The following COL5A1 variants were observed in gnomAD, a reference collection of about 807,000 sequenced individuals.
The protein encoded by COL5A1 is collagen type V alpha 1 chain.
In COL5A1, 16 loss-of-function variants were observed where a neutral mutation model predicts 263.7. That is an observed-to-expected ratio of 0.06 (90% CI 0.04 to 0.09). The LOEUF (loss-of-function observed/expected upper bound fraction) is 0.09, where lower values mean the gene tolerates loss of function less well. COL5A1 is among the 10% of genes least tolerant of loss of function. COL5A1 has a pLI of 1.00. For missense variants in COL5A1, 2,036 were observed against 2,540.5 expected (o/e 0.80, Z 4.27); for synonymous variants, 1,012 against 1,004.5 (o/e 1.01, Z -0.14).
rs1449896543 is a variant in COL5A1 at position 134,750,591 on chromosome 9, C to T, written c.1544C>T (p.Pro515Leu). 6.8e-6 allele frequency: 11 copies of T among 1,613,580 alleles called. No individual in the cohort carries two copies. Among genetic ancestry groups the T allele is most frequent in the South Asian group, 2.2e-5 (2 of 91,086 alleles). Reference sequence around the variant, plus strand: ...CCTGGGGCCGATGGCCTGCCCGGTCCTCCAGGAACCATGCTCATGCTGCCC... The same window carrying T: ...CCTGGGGCCGATGGCCTGCCCGGTCTTCCAGGAACCATGCTCATGCTGCCC... ...GLPGADGLPG[P>L]PGTMLMLPFR... The change falls in exon 12 of 66, where the codon CCT becomes CTT. Residue 515 changes from proline to leucine, a missense_variant. Transcript: ENST00000371817.
intron 11 of COL5A1, among the ~76,000 whole-genome samples, chr9:134,740,413 G>A (rs2132659090): frequency 6.6e-6 from 1 of 152,272 alleles, no homozygotes; most frequent in Non-Finnish European, 1.5e-5. Context: ...CCTGCGGATG[G>A]GTCCACAGGT....
chr9:134,766,653 G>A (rs945989765), intron 22 of COL5A1, among the ~76,000 whole-genome samples, 155 bp downstream of exon 22: 13 of 152,246 alleles, frequency 8.5e-5, no homozygotes. Context: ...CCAGTGGTGA[G>A]TGGCACCTGG....
At chr9:134,738,696 T>C (rs769417766) in intron 10 of COL5A1, 50 bp from the exon 11 acceptor site, 2 of 1,520,380 alleles carry the variant, frequency 1.3e-6, no homozygotes, top group Non-Finnish European at 1.8e-6. Context: ...ACTTGGACCT[T>C]GCCCTGCGGC....
chr9:134,783,866 C>T (rs1402166746), intron 29 of COL5A1, among the ~76,000 whole-genome samples: 1 of 152,236 alleles, frequency 6.6e-6, no homozygotes, highest in Non-Finnish European at 1.5e-5. Context: ...CCCCACATCC[C>T]AGCGGCTTCT....
intron 35 of COL5A1, 150 bp downstream of exon 35, chr9:134,796,568 C>A: frequency 1.2e-6 from 1 of 869,316 alleles, no homozygotes; most frequent in Non-Finnish European, 1.8e-6. Flanking sequence ...AAGGGTGGGT[C>A]ACGCCCTGGG....
intron 11 of COL5A1, among the ~76,000 whole-genome samples, chr9:134,748,325 GCA>G (rs756513342): frequency 2.0e-4 from 30 of 148,516 alleles, no homozygotes; most frequent in African/African-American, 3.2e-4. Context: ...TCACATACAT[GCA>G]CACACATGCA....
intron 4 of COL5A1, among the ~76,000 whole-genome samples, chr9:134,725,843 C>T (rs1485309684): frequency 3.3e-5 from 5 of 152,174 alleles, no homozygotes; most frequent in Non-Finnish European, 7.3e-5. Context: ...CTCTGTTTAT[C>T]CATTTAGCTG....
Position 134,765,175 on chromosome 9 carries a change from C to T in COL5A1, c.2035-506C>T, listed in dbSNP as rs1836612273. Among the ~76,000 whole-genome samples, 1 of 152,184 alleles carries T rather than the reference C, an allele frequency of 6.6e-6. No homozygotes were observed. Among genetic ancestry groups the T allele is most frequent in the African/African-American group, 2.4e-5 (1 of 41,450 alleles). On this transcript the variant is annotated intron_variant, in intron 20 of 65. Transcript: ENST00000371817. The surrounding 1 kb of genome is among the most constrained non-coding windows in gnomAD (Gnocchi z 5.1). ...CCACGCCTCCTTCTGCACATTCAGT[C>T]TTGGGGTTCCCACCAGGGACTAGTT...
At position 134,677,021 on chromosome 9, in the gene COL5A1, C is replaced by T. The variant is rs577507366; in HGVS notation, c.110-13891C>T. ...AATAGCAAGTCCCTTGGAGCACCTG[C>T]TGCCAGTCCTGGGCTTGGGGAGGCC... On this transcript the variant is annotated intron_variant, in intron 1 of 65. Coordinates refer to ENST00000371817, the MANE Select transcript of COL5A1 (RefSeq NM_000093.5). This position sits in a 1 kb window ranked among gnomAD's most constrained non-coding sequence, Gnocchi z 4.4. Among the ~76,000 whole-genome samples, 5 of 152,274 alleles carry T rather than the reference C, an allele frequency of 3.3e-5. No homozygotes were observed. In the South Asian group the frequency reaches 8.3e-4, roughly 25 times the overall value.
chr9:134,674,952 G>A (rs1355299773), intron 1 of COL5A1, among the ~76,000 whole-genome samples: 5 of 152,072 alleles, frequency 3.3e-5, no homozygotes, highest in Non-Finnish European at 5.9e-5. Flanking sequence ...AGCCACAAAT[G>A]CCTTGAGCAT....
intron 29 of COL5A1, among the ~76,000 whole-genome samples, chr9:134,783,145 C>T (rs951959642): frequency 5.3e-5 from 8 of 152,312 alleles, no homozygotes; most frequent in South Asian, 2.1e-4. Context: ...CCAGGCCACA[C>T]GGCCGGCGCC....
chr9:134,768,573 T>A, intron 25 of COL5A1, 110 bp downstream of exon 25: 1 of 1,144,770 alleles, frequency 8.7e-7, no homozygotes, highest in Admixed American at 1.8e-5. Flanking sequence ...ATTGACTCAT[T>A]CTGGCTCTGT....
intron 31 of COL5A1, among the ~76,000 whole-genome samples, chr9:134,788,426 G>A (rs1172792902): frequency 6.6e-6 from 1 of 150,792 alleles, no homozygotes; most frequent in African/African-American, 2.4e-5. Context: ...GCAAATGGAT[G>A]AATGGTTAGG....
intron 39 of COL5A1, 144 bp downstream of exon 39, chr9:134,803,139 G>A: frequency 7.9e-6 from 6 of 761,694 alleles, no homozygotes; most frequent in East Asian, 2.7e-5. Context: ...CAGACCGCAC[G>A]TTTTGCTCAC....
intron 2 of COL5A1, among the ~76,000 whole-genome samples, chr9:134,692,905 T>G (rs1833332792): frequency 6.6e-6 from 1 of 152,086 alleles, no homozygotes; most frequent in South Asian, 2.1e-4. Flanking sequence ...AAACTCCATC[T>G]CTACCAAAAA....
rs549407028 is a variant in COL5A1 at position 134,699,823 on chromosome 9, C to T, written c.278-86C>T. The T allele has an allele frequency of 9.0e-5, 120 of 1,336,502 alleles. 1 individual carries two copies. The highest frequency in any genetic ancestry group is 5.3e-4 in the African/African-American group (37 of 69,556). 82.8% of individuals were successfully genotyped at this position (1,336,502 alleles called of 1,614,324 possible). On this transcript the variant is annotated intron_variant, in intron 2 of 65. Coordinates refer to ENST00000371817, the MANE Select transcript of COL5A1 (RefSeq NM_000093.5). ...CGGGCAGCACAGCTTCCCAGGGTCC[C>T]GGGCTGGCTTGTTTGCAGAGAGCCA...
At chr9:134,702,123 C>A (rs1307961984) in intron 4 of COL5A1, among the ~76,000 whole-genome samples, 1 of 152,210 alleles carries the variant, frequency 6.6e-6, no homozygotes, top group Non-Finnish European at 1.5e-5. Context: ...GGACTCTGCC[C>A]TTCCCAAGGG....
At position 134,758,805 on chromosome 9, in the gene COL5A1, T is replaced by C. The variant is rs1313481230; in HGVS notation, c.1935+509T>C. Among the ~76,000 whole-genome samples, 3 of 152,158 alleles carry C rather than the reference T, an allele frequency of 2.0e-5. No homozygotes were observed. The highest frequency in any genetic ancestry group is 4.4e-5 in the Non-Finnish European group (3 of 68,016). On this transcript the variant is annotated intron_variant, in intron 18 of 65. Coordinates refer to ENST00000371817, the MANE Select transcript of COL5A1 (RefSeq NM_000093.5). The surrounding 1 kb of genome is among the most constrained non-coding windows in gnomAD (Gnocchi z 4.1). ...GGGCGTGGATGAATTTGAAAGTGTG[T>C]CCCGTGAGTCCCGAGCTAGTGCGGT... is the stretch of plus-strand genomic sequence containing the variant.
Position 134,647,839 on chromosome 9 carries a change from C to T in COL5A1, c.109+5543C>T, listed in dbSNP as rs993063786. Among the ~76,000 whole-genome samples the T allele has an allele frequency of 2.0e-5, 3 of 152,216 alleles. No homozygotes were observed. The highest frequency in any genetic ancestry group is 4.8e-5 in the African/African-American group (2 of 41,462). ...TCTCTCTCAGTGCTTTGCCAAGTGT[C>T]GGTTTTAAAGTTTCTGGCCTGGCTG... is the stretch of plus-strand genomic sequence containing the variant. On this transcript the variant is annotated intron_variant, in intron 1 of 65. Coordinates refer to ENST00000371817, the MANE Select transcript of COL5A1 (RefSeq NM_000093.5). This position sits in a 1 kb window ranked among gnomAD's most constrained non-coding sequence, Gnocchi z 5.0.
Sources: gnomAD v4.1 joint callset for allele counts (sites outside exome capture counted in the v4.1 genomes callset) on GRCh38, gnomAD v4.1.1 for gene constraint, Gnocchi (gnomAD v3.1) non-coding constraint, MANE v1.5 for transcripts, NCBI Gene and HGNC (gene_info 2026-07-23, HGNC 2026-07-21) for gene names.